AFF3: variants seen among roughly 807,000 people sequenced by gnomAD.
AFF3 encodes ALF transcription elongation factor 3.
In AFF3, 32 loss-of-function variants were observed where a neutral mutation model predicts 129.7. That is an observed-to-expected ratio of 0.25 (90% confidence interval 0.19 to 0.33). AFF3 has a LOEUF of 0.33. Among genes scored for constraint, AFF3 ranks in the 10% least tolerant of loss-of-function variants. The pLI is 1.00. For synonymous variants in AFF3, 644 were observed against 635.4 expected (o/e 1.01, Z -0.20); for missense variants, 1,373 against 1,592.0 (o/e 0.86, Z 2.34).
intron 4 of AFF3, among the ~76,000 whole-genome samples, chr2:100,074,691 C>T (rs537065611): frequency 8.5e-5 from 13 of 152,284 alleles, no homozygotes; most frequent in Admixed American, 6.5e-5. Flanking sequence ...CTAAATTAGA[C>T]GGTACACAAT....
chr2:99,673,689 C>T (rs151112467), intron 11 of AFF3, among the ~76,000 whole-genome samples: 1,523 of 152,278 alleles, frequency 0.01, 29 homozygotes, highest in African/African-American at 0.034. Context: ...AGCCAGCTTC[C>T]AAAGGCTGTC....
chr2:99,719,764 G>A (rs1229762844), intron 11 of AFF3, among the ~76,000 whole-genome samples: 1 of 152,066 alleles, frequency 6.6e-6, no homozygotes, highest in Admixed American at 6.6e-5. Flanking sequence ...TTTAAAGTAC[G>A]TATTGGCCGG....
chr2:99,995,879 A>G (rs753621387), intron 7 of AFF3, among the ~76,000 whole-genome samples: 1 of 152,224 alleles, frequency 6.6e-6, no homozygotes, highest in Non-Finnish European at 1.5e-5. Context: ...ATGAGAAAAA[A>G]TATATATAAA....
intron 7 of AFF3, among the ~76,000 whole-genome samples, chr2:99,931,434 C>T (rs912773953): frequency 1.3e-5 from 2 of 152,172 alleles, no homozygotes; most frequent in African/African-American, 4.8e-5. Flanking sequence ...TATTATTGAT[C>T]GATATGGCTA....
intron 13 of AFF3, among the ~76,000 whole-genome samples, chr2:99,629,112 C>T (rs1016025293): frequency 6.6e-6 from 1 of 152,174 alleles, no homozygotes; most frequent in African/African-American, 2.4e-5. Flanking sequence ...CCTGCCTCGG[C>T]CTCCCAAAGT....
At chr2:99,592,938 C>T (rs374010363) in intron 15 of AFF3, among the ~76,000 whole-genome samples, 1 of 89,208 alleles carries the variant, frequency 1.1e-5, no homozygotes, top group Non-Finnish European at 2.4e-5. Flanking sequence ...TCCCTCCCCC[C>T]CCCCCAAAAA....
intron 4 of AFF3, among the ~76,000 whole-genome samples, chr2:100,023,630 A>G (rs953260367): frequency 2.0e-5 from 3 of 152,080 alleles, no homozygotes; most frequent in East Asian, 3.9e-4. Context: ...AGATATTAAC[A>G]TTGTGCCAGA....
At chr2:99,816,797 C>T (rs566242544) in intron 8 of AFF3, among the ~76,000 whole-genome samples, 4 of 152,052 alleles carry the variant, frequency 2.6e-5, no homozygotes, top group Admixed American at 6.5e-5. Context: ...CCAGATATAC[C>T]GTAATGTTAG....
intron 7 of AFF3, chr2:100,006,000 G>A (rs966319381): frequency 3.3e-5 from 5 of 152,062 alleles, no homozygotes; most frequent in African/African-American, 1.2e-4. Context: ...ATGTATGCAT[G>A]GTCATATTTT....
At chr2:100,109,880 C>T (rs1691456175) in intron 2 of AFF3, 1 of 152,180 alleles carries the variant, frequency 6.6e-6, no homozygotes, top group Non-Finnish European at 1.5e-5. Flanking sequence ...CCATACTCCA[C>T]CTCCCACAAC....
At position 100,040,779 on chromosome 2, in the gene AFF3, G is replaced by A. The variant is rs182524407; in HGVS notation, c.54-31847C>T. Among the ~76,000 whole-genome samples the A allele has an allele frequency of 1.2e-4, 19 of 152,360 alleles. No individual in the cohort carries two copies. The East Asian group carries it at 2.5e-3, about 20-fold the overall frequency. ...CAGCTTCAGGGCTTGGGGAGGCAGC[G>A]TTGTTTTAGACTGGCTGGAAAGTCA... On this transcript the variant is annotated intron_variant, in intron 4 of 24. Coordinates refer to ENST00000672756, the MANE Select transcript of AFF3 (RefSeq NM_001386135.1).
At chr2:99,566,055 T>C (rs545845049) in intron 19 of AFF3, among the ~76,000 whole-genome samples, 1 of 152,334 alleles carries the variant, frequency 6.6e-6, no homozygotes, top group South Asian at 2.1e-4. Flanking sequence ...GTTCTAGGCC[T>C]TGGTTATTAT....
At chr2:99,989,507 T>C (rs1474443438) in intron 7 of AFF3, among the ~76,000 whole-genome samples, 2 of 152,236 alleles carry the variant, frequency 1.3e-5, no homozygotes, top group East Asian at 3.8e-4. Flanking sequence ...TTTTTAATAT[T>C]TGTCATCAGT....
At chr2:100,040,395 C>T (rs1685324512) in intron 4 of AFF3, among the ~76,000 whole-genome samples, 1 of 152,202 alleles carries the variant, frequency 6.6e-6, no homozygotes. Context: ...AATTATTTTA[C>T]TAATTTGGCC....
rs764499308 is a variant in AFF3 at position 99,817,933 on chromosome 2, G to A, written c.921+19544C>T. On this transcript the variant is annotated intron_variant, in intron 8 of 24. Transcript: ENST00000672756. ...TTCTTATCAGAAGTAAAAAAACAAA[G>A]TTTATAATTTTAGATGCCTTTGCCT... 4.1e-4 allele frequency among the ~76,000 whole-genome samples: 63 copies of A among 152,092 alleles called. 2 individuals carry two copies. Among genetic ancestry groups the A allele is most frequent in the Non-Finnish European group, 1.3e-4 (9 of 68,004 alleles).
At chr2:99,927,616 A>G (rs144679847) in intron 7 of AFF3, among the ~76,000 whole-genome samples, 1 of 152,316 alleles carries the variant, frequency 6.6e-6, no homozygotes, top group East Asian at 1.9e-4. Context: ...TCAGAAAAAA[A>G]TAACTAATGA....
intron 8 of AFF3, among the ~76,000 whole-genome samples, chr2:99,791,078 T>C (rs1341574736): frequency 6.6e-6 from 1 of 152,224 alleles, no homozygotes; most frequent in Non-Finnish European, 1.5e-5. Flanking sequence ...AGACAGGTGA[T>C]GTTCTAGAAC....
intron 18 of AFF3, among the ~76,000 whole-genome samples, chr2:99,574,557 A>T (rs1269259885): frequency 6.6e-6 from 1 of 151,892 alleles, no homozygotes; most frequent in Non-Finnish European, 1.5e-5. Context: ...AATTGCAGGC[A>T]CTCTTCCCTG....
chr2:99,860,013 T>C (rs767395946), intron 7 of AFF3, among the ~76,000 whole-genome samples: 2 of 152,238 alleles, frequency 1.3e-5, no homozygotes, highest in Non-Finnish European at 2.9e-5. Context: ...AAAAATGTGA[T>C]ACTTGGGTTA....
Sources: allele counts gnomAD v4.1 joint callset (sites outside exome capture counted in the v4.1 genomes callset), GRCh38; gene constraint gnomAD v4.1.1; transcripts MANE v1.5; gene names NCBI Gene and HGNC (gene_info 2026-07-23, HGNC 2026-07-21).